GLB1L3: variants seen among roughly 807,000 people sequenced by gnomAD.
The protein encoded by GLB1L3 is beta-galactosidase-1-like protein 3.
In GLB1L3, 89 loss-of-function variants were observed where a neutral mutation model predicts 89.5. That is an observed-to-expected ratio of 0.99 (90% CI 0.84 to 1.19). The LOEUF (loss-of-function observed/expected upper bound fraction) is 1.19. Ranked by LOEUF, GLB1L3 falls within the 50% of genes most tolerant of loss-of-function variation. The pLI, the probability that GLB1L3 is intolerant of heterozygous loss-of-function variation, is 0.00. For missense variants in GLB1L3, 812 were observed against 813.3 expected, an observed-to-expected ratio of 1.00 and a Z score of 0.02; for synonymous variants, 314 against 312.3, an observed-to-expected ratio of 1.01 and a Z score of -0.06.
In GLB1L3 at chr11:134,312,566, A is replaced by G; in HGVS notation, c.1428+77A>G. The G allele has an allele frequency of 5.2e-6, 8 of 1,537,970 alleles. 1 individual carries two copies. The South Asian group carries it at 9.4e-5, about 18-fold the overall frequency. On this transcript the variant is annotated intron_variant, in intron 14 of 19. Transcript: ENST00000431683. The stretch of plus-strand genomic sequence containing the variant: ...GCTGTCGGGCAGGGTAGTTGACTGA[A>G]GGATGCACGTTGCTGTTTGGTGACC...
intron 6 of GLB1L3, among the ~76,000 whole-genome samples, chr11:134,287,905 G>A (rs1012803663): frequency 6.6e-6 from 1 of 152,166 alleles, no homozygotes; most frequent in African/African-American, 2.4e-5. Context: ...GCATTCTTTT[G>A]TCCAAGAGGG....
At chr11:134,293,930 C>A (rs1591553596) in intron 9 of GLB1L3, among the ~76,000 whole-genome samples, 1 of 152,318 alleles carries the variant, frequency 6.6e-6, no homozygotes, top group East Asian at 1.9e-4. Flanking sequence ...CCCGCTACCC[C>A]TCCCTTGAGG....
chr11:134,318,307 A>G (rs1943066676), intron 18 of GLB1L3, among the ~76,000 whole-genome samples: 1 of 152,254 alleles, frequency 6.6e-6, no homozygotes, highest in Non-Finnish European at 1.5e-5. Flanking sequence ...TTTTATATTA[A>G]TAGCCACTGT....
intron 6 of GLB1L3, among the ~76,000 whole-genome samples, chr11:134,285,757 G>C (rs1189286731): frequency 6.6e-6 from 1 of 152,144 alleles, no homozygotes; most frequent in Non-Finnish European, 1.5e-5. Context: ...GGGTGACAGA[G>C]CAAGACCTTG....
intron 1 of GLB1L3, 30 bp downstream of exon 1, chr11:134,276,793 G>T: frequency 1.4e-6 from 2 of 1,403,066 alleles, no homozygotes; most frequent in South Asian, 1.5e-5. Flanking sequence ...GTCCCGGGCT[G>T]CCCACCACCC....
chr11:134,312,713 T>A, intron 14 of GLB1L3, 103 bp from the exon 15 acceptor site: 1 of 1,016,702 alleles, frequency 9.8e-7, no homozygotes, highest in East Asian at 2.6e-5. Context: ...GCACCACAGC[T>A]GGTCCCTGCC....
intron 10 of GLB1L3, among the ~76,000 whole-genome samples, chr11:134,308,556 T>TCACCACCAC (rs199930926): frequency 1.7e-5 from 1 of 57,518 alleles, no homozygotes. Context: ...ACCATCACCA[T>TCACCACCAC]CACCACCACC....
At position 134,309,350 on chromosome 11, in the gene GLB1L3, A is replaced by G. The variant is rs534148345; in HGVS notation, c.962-276A>G. Among the ~76,000 whole-genome samples, 10 of 152,334 alleles carry G rather than the reference A, an allele frequency of 6.6e-5. No individual in the cohort carries two copies. The South Asian group carries it at 8.3e-4, about 13-fold the overall frequency. ...TTGCAGTAGGTCTTTAACGTCATCA[A>G]TAGGTTCTTGGAAACTAAACAAAAT... On this transcript the variant is annotated intron_variant, in intron 10 of 19. Coordinates refer to ENST00000431683, the MANE Select transcript of GLB1L3 (RefSeq NM_001080407.3).
At chr11:134,314,240 T>G in intron 17 of GLB1L3, 90 bp from the exon 18 acceptor site, 1 of 862,620 alleles carries the variant, frequency 1.2e-6, no homozygotes, top group South Asian at 1.6e-5. Context: ...AAACAGAACC[T>G]TAGGCTCGGC....
chr11:134,308,256 C>CCACCAT (rs1565412720), intron 10 of GLB1L3, among the ~76,000 whole-genome samples: 4 of 35,970 alleles, frequency 1.1e-4, no homozygotes, highest in African/African-American at 6.0e-4. Context: ...ACCACCATCA[C>CCACCAT]CACCACCACC....
chr11:134,318,910 G>T lies in GLB1L3; in HGVS notation c.1930G>T (p.Asp644Tyr), dbSNP rs1224002951. 1 of 1,612,576 alleles carries T rather than the reference G, an allele frequency of 6.2e-7. No homozygotes were observed. Among genetic ancestry groups the T allele is most frequent in the Admixed American group, 1.7e-5 (1 of 59,932 alleles). Residue 644 changes from aspartate (D) to tyrosine (Y), a missense_variant, in exon 20 of 20, where the codon GAT becomes TAT. Around this residue, in one of 3 missense-constraint regions of GLB1L3, gnomAD observed 618 missense variants for 604.0 expected, o/e 1.02. Transcript: ENST00000431683. ...GTTTGAGAAGATGATGAGTGGCTCA[G>T]ATATCAAATCTACAGACAAGCCCAC... Reference protein sequence around the residue: ...ILFEKMMSGSDIKSTDKPTL With the variant: ...ILFEKMMSGSYIKSTDKPTL
intron 18 of GLB1L3, among the ~76,000 whole-genome samples, chr11:134,315,746 A>G (rs1942950423): frequency 6.6e-6 from 1 of 152,178 alleles, no homozygotes; most frequent in African/African-American, 2.4e-5. Context: ...GTGTTTGGCT[A>G]TGACTCTTAC....
intron 3 of GLB1L3, among the ~76,000 whole-genome samples, chr11:134,280,711 C>A (rs140022973): frequency 3.9e-4 from 60 of 152,038 alleles, no homozygotes; most frequent in African/African-American, 1.3e-3. Flanking sequence ...TCTTGGTGGG[C>A]CATACAGTCA....
At chr11:134,299,184 A>C (rs1234087783) in intron 9 of GLB1L3, among the ~76,000 whole-genome samples, 1 of 150,336 alleles carries the variant, frequency 6.7e-6, no homozygotes, top group Non-Finnish European at 1.5e-5. Flanking sequence ...TTCATCTTTC[A>C]GCCAAAATTA....
rs757341877 is a variant in GLB1L3 at position 134,312,476 on chromosome 11, A to G, written c.1415A>G (p.His472Arg). The change falls in exon 14 of 20, where the codon CAT (histidine) becomes CGT (arginine). Residue 472 changes from histidine to arginine, a missense_variant. This residue lies in a region of GLB1L3 where 618 missense variants were observed against 604.0 expected (regional missense o/e 1.02). Coordinates refer to ENST00000431683, the MANE Select transcript of GLB1L3 (RefSeq NM_001080407.3). ...GGAGGCCGCCTCCGTGCCCACGCTCATGACGTGGCACAGGTAGGGCCAGCA... is the reference window on the plus strand; with the variant it reads ...GGAGGCCGCCTCCGTGCCCACGCTCGTGACGTGGCACAGGTAGGGCCAGCA... ...CSGGRLRAHA[H>R]DVAQVFLDET... 1.9e-6 allele frequency: 3 copies of G among 1,612,700 alleles called. No individual in the cohort carries two copies. The highest frequency in any genetic ancestry group is 1.7e-4 in the Middle Eastern group (1 of 5,980).
chr11:134,320,769 GACAA>G (rs978387754), downstream of GLB1L3, among the ~76,000 whole-genome samples: 23 of 151,608 alleles, frequency 1.5e-4, no homozygotes, highest in East Asian at 7.7e-4. Context: ...AGAACTTTCT[GACAA>G]ACAAAAACCA....
Position 134,314,524 on chromosome 11 carries a change from G to A in GLB1L3, c.1779+83G>A. On this transcript the variant is annotated intron_variant, in intron 18 of 19. Coordinates refer to ENST00000431683, the MANE Select transcript of GLB1L3 (RefSeq NM_001080407.3). ...TCCTGAAGCAAAGCCAGCGTTCCTG[G>A]AGGAATACTTCCCTTTCTTCTTTTC... 3.6e-6 allele frequency: 3 copies of A among 836,214 alleles called. No individual in the cohort carries two copies. The South Asian group carries it at 4.4e-5, about 12-fold the overall frequency. The allele number at this position is 836,214 out of a possible 1,614,324, so 51.8% of individuals were successfully genotyped here. A position where few individuals can be genotyped will look rare whatever the true frequency, so the allele number is the denominator to read the frequency against.
At chr11:134,311,380 A>T (rs1942728051) in intron 13 of GLB1L3, 1 of 548,244 alleles carries the variant, frequency 1.8e-6, no homozygotes, top group African/African-American at 1.9e-5. Flanking sequence ...GGGCAGCAGG[A>T]CGTCGGAGGA....
chr11:134,299,385 C>T (rs184789998), intron 9 of GLB1L3, among the ~76,000 whole-genome samples: 46 of 152,152 alleles, frequency 3.0e-4, no homozygotes, highest in East Asian at 2.9e-3. Context: ...TTGAAAACTG[C>T]GCATCATGCA....
Sources: gnomAD v4.1 joint callset for allele counts (sites outside exome capture counted in the v4.1 genomes callset) on GRCh38, gnomAD v4.1.1 for gene constraint, gnomAD v4.1.1 regional missense constraint, MANE v1.5 for transcripts, NCBI Gene and HGNC (gene_info 2026-07-23, HGNC 2026-07-21) for gene names.